RAD21: variants seen among roughly 807,000 people sequenced by gnomAD.
RAD21 encodes RAD21 cohesin complex component, also known as double-strand-break repair protein rad21 homolog.
RAD21 carries 18 observed loss-of-function variants against 71.5 expected under a neutral mutation model. That is an observed-to-expected ratio of 0.25 (90% CI 0.17 to 0.37). RAD21 has a LOEUF of 0.37. RAD21 is among the 10% of genes least tolerant of loss of function. RAD21 has a pLI of 1.00. For missense variants in RAD21, 493 were observed against 769.1 expected (o/e 0.64, Z 4.25); for synonymous variants, 248 against 254.0 (o/e 0.98, Z 0.22).
intron 1 of RAD21, among the ~76,000 whole-genome samples, chr8:116,872,418 G>A (rs1316941912): frequency 6.6e-6 from 1 of 152,086 alleles, no homozygotes; most frequent in African/African-American, 2.4e-5. Context: ...ACGAGTTCTT[G>A]AATAAGCTTA....
At chr8:116,854,863 T>C (rs1340167895) in intron 8 of RAD21, among the ~76,000 whole-genome samples, 2 of 152,206 alleles carry the variant, frequency 1.3e-5, no homozygotes, top group South Asian at 2.1e-4. Flanking sequence ...TTTTCTTTAA[T>C]GATTGTAAAT....
rs77063123 is a variant in RAD21 at position 116,856,039 on chromosome 8, C to CA, written c.937+126dup. 2.0e-3 allele frequency: 2,385 copies of CA among 1,167,180 alleles called. 51 individuals carry two copies. The Admixed American group carries it at 0.042, about 21-fold the overall frequency. 72.3% of individuals were successfully genotyped at this position (1,167,180 alleles called of 1,614,324 possible). On this transcript the variant is annotated intron_variant, in intron 8 of 13. Transcript: ENST00000297338. ...AACAGTAGCAGATCAGTAGACAGGC[C>CA]AAAAAAACAGAAAAAAGCAAGAAGC...
At chr8:116,865,258 G>A (rs910452066) in intron 2 of RAD21, among the ~76,000 whole-genome samples, 5 of 151,842 alleles carry the variant, frequency 3.3e-5, no homozygotes, top group African/African-American at 4.8e-5. Context: ...TCTCATACTC[G>A]TTTGTAGTGT....
chr8:116,872,359 T>C (rs1329633044), intron 1 of RAD21, among the ~76,000 whole-genome samples: 2 of 152,102 alleles, frequency 1.3e-5, no homozygotes, highest in African/African-American at 2.4e-5. Context: ...CCAGGTTAAG[T>C]GCAAAAAAGT....
chr8:116,858,323 T>C lies in RAD21; in HGVS notation c.481+29A>G, dbSNP rs748796745. The C allele has an allele frequency of 2.0e-6, 3 of 1,494,166 alleles. No individual in the cohort carries two copies. The Admixed American group carries it at 5.0e-5, about 25-fold the overall frequency. 92.6% of individuals were successfully genotyped at this position (1,494,166 alleles called of 1,614,324 possible). A position where few individuals can be genotyped will look rare whatever the true frequency, so the allele number is the denominator to read the frequency against. ...TAGCAACACAATATAACATTATAAT[T>C]AATGGCTAATAATTTGTTTCTCTTT... is the stretch of plus-strand genomic sequence containing the variant. On this transcript the variant is annotated intron_variant, in intron 5 of 13. Coordinates refer to ENST00000297338, the MANE Select transcript of RAD21 (RefSeq NM_006265.3).
At chr8:116,853,124 G>C (rs982460472) in intron 9 of RAD21, among the ~76,000 whole-genome samples, 18 of 152,092 alleles carry the variant, frequency 1.2e-4, no homozygotes, top group African/African-American at 4.3e-4. Context: ...TGTCGCCCAG[G>C]CTGGAGTGCA....
Position 116,852,712 on chromosome 8 carries a change from T to C in RAD21, c.1162-4A>G. On this transcript the variant is annotated splice_region_variant and splice_polypyrimidine_tract_variant and intron_variant, in intron 9 of 13. Transcript: ENST00000297338. ...GTGTAAGACAGCGTGTAAAGAGCTA[T>C]TAAAAAAAAAAAAAAGAAAAATTTC... The C allele has an allele frequency of 6.9e-7, 1 of 1,443,334 alleles. No individual in the cohort carries two copies. The highest frequency in any genetic ancestry group is 9.1e-7 in the Non-Finnish European group (1 of 1,097,972). The allele number at this position is 1,443,334 out of a possible 1,614,324, so 89.4% of individuals were successfully genotyped here.
chr8:116,874,582 G>A (rs867016180), intron 1 of RAD21, 29 bp downstream of exon 1: 12 of 326,472 alleles, frequency 3.7e-5, no homozygotes, highest in East Asian at 9.3e-5. Flanking sequence ...GGAGCTGGAG[G>A]AAAAGAAGGG....
At chr8:116,863,355 C>A (rs1812628092) in intron 2 of RAD21, 96 bp from the exon 3 acceptor site, 4 of 1,338,752 alleles carry the variant, frequency 3.0e-6, no homozygotes, top group Admixed American at 4.0e-5. Context: ...CTTATAATCA[C>A]ATACATTTCT....
At chr8:116,856,454 C>A (rs1812468645) in intron 7 of RAD21, among the ~76,000 whole-genome samples, 166 bp from the exon 8 acceptor site, 1 of 152,020 alleles carries the variant, frequency 6.6e-6, no homozygotes, top group African/African-American at 2.4e-5. Context: ...CAGACTTGAA[C>A]CCAATTGGCC....
At chr8:116,852,334 G>C in intron 10 of RAD21, 1 of 639,368 alleles carries the variant, frequency 1.6e-6, no homozygotes, top group Admixed American at 3.3e-5. Context: ...CAATTCTTTA[G>C]CAGACTATCT....
intron 1 of RAD21, among the ~76,000 whole-genome samples, chr8:116,867,435 T>C (rs1030622540): frequency 2.0e-5 from 3 of 152,236 alleles, no homozygotes; most frequent in Non-Finnish European, 2.9e-5. Context: ...ATTTATCTTA[T>C]GACTGAAAGT....
At chr8:116,857,962 T>G (rs1232599410) in intron 5 of RAD21, among the ~76,000 whole-genome samples, 1 of 152,176 alleles carries the variant, frequency 6.6e-6, no homozygotes, top group Non-Finnish European at 1.5e-5. Context: ...CCAGCATGGA[T>G]AACACAGCAG....
intron 1 of RAD21, among the ~76,000 whole-genome samples, chr8:116,867,495 A>C (rs1411765839): frequency 6.6e-6 from 1 of 152,318 alleles, no homozygotes. Context: ...TCAGCACTCT[A>C]ATGTATTAAG....
intron 1 of RAD21, among the ~76,000 whole-genome samples, chr8:116,871,794 T>C (rs16889131): frequency 1.5e-4 from 23 of 152,366 alleles, no homozygotes; most frequent in Middle Eastern, 6.8e-3. Flanking sequence ...AGTAAATTAC[T>C]GGCCCATTTT....
At position 116,848,929 on chromosome 8, in the gene RAD21, G is replaced by A; in HGVS notation, c.1704+17C>T. 6.3e-7 allele frequency: 1 copy of A among 1,590,914 alleles called. No homozygotes were observed. On this transcript the variant is annotated intron_variant, in intron 13 of 13. Coordinates refer to ENST00000297338, the MANE Select transcript of RAD21 (RefSeq NM_006265.3). ...CCTTTGATGAAGCATTTTCCTCTGA[G>A]ACAACAGCGGCAATACCTGAAGACC...
In RAD21 at chr8:116,847,375, GA is replaced by G. The variant is rs917289753; in HGVS notation, c.*124del. 1.5e-5 allele frequency: 12 copies of G among 811,046 alleles called. No individual in the cohort carries two copies. Among genetic ancestry groups the G allele is most frequent in the Admixed American group, 1.2e-4 (4 of 33,858 alleles). 50.2% of individuals were successfully genotyped at this position (811,046 alleles called of 1,614,324 possible). A position where few individuals can be genotyped will look rare whatever the true frequency, so the allele number is the denominator to read the frequency against. Reference sequence around the variant, plus strand: ...AATGTACTGGAAAAAAATGAAGAAGGAAAAAGGCAAAGACTTTGTACAGACA... The same window carrying G: ...AATGTACTGGAAAAAAATGAAGAAGGAAAAGGCAAAGACTTTGTACAGACA... On this transcript the variant is annotated 3_prime_UTR_variant, in exon 14 of 14. Coordinates refer to ENST00000297338, the MANE Select transcript of RAD21 (RefSeq NM_006265.3).
At chr8:116,866,488 C>T (rs901270320) in intron 2 of RAD21, 98 bp downstream of exon 2, 5 of 1,132,986 alleles carry the variant, frequency 4.4e-6, no homozygotes, top group Non-Finnish European at 6.0e-6. Flanking sequence ...TTTCCTTGCA[C>T]TCCAATGCCC....
intron 6 of RAD21, 66 bp downstream of exon 6, chr8:116,857,201 T>A (rs1586268388): frequency 7.1e-7 from 1 of 1,410,402 alleles, no homozygotes; most frequent in East Asian, 2.3e-5. Context: ...TAGCAACTGT[T>A]TCCAAAACTT....
Sources: gnomAD v4.1 joint callset for allele counts (sites outside exome capture counted in the v4.1 genomes callset) on GRCh38, gnomAD v4.1.1 for gene constraint, MANE v1.5 for transcripts, NCBI Gene and HGNC (gene_info 2026-07-23, HGNC 2026-07-21) for gene names.